The following HYDIN variants were observed in gnomAD, a reference collection of about 807,000 sequenced individuals.
The protein encoded by HYDIN is HYDIN axonemal central pair apparatus protein.
Under a neutral mutation model 403.9 loss-of-function variants are expected in HYDIN, and 132 were observed. The ratio of observed to expected loss-of-function variants is 0.33; its 90% CI spans 0.28 to 0.38. The LOEUF is 0.38. Among genes scored for constraint, HYDIN ranks in the 10% least tolerant of loss-of-function variants. HYDIN has a pLI of 1.00. For synonymous variants in HYDIN, 1,202 were observed against 1,891.7 expected (o/e 0.64, Z 9.46); for missense variants, 2,827 against 5,009.5 (o/e 0.56, Z 13.15).
chr16:70,856,093 A>G (rs1483393689), intron 72 of HYDIN, among the ~76,000 whole-genome samples: 2 of 145,176 alleles, frequency 1.4e-5, no homozygotes, highest in African/African-American at 5.6e-5. Flanking sequence ...TTTTTTGTGC[A>G]TGTCTTATTA....
chr16:71,167,095 C>T (rs995144017), intron 5 of HYDIN, among the ~76,000 whole-genome samples: 27 of 150,142 alleles, frequency 1.8e-4, no homozygotes, highest in Non-Finnish European at 7.4e-5. Flanking sequence ...AAAATAAAAA[C>T]AAAAATAAAA....
intron 5 of HYDIN, among the ~76,000 whole-genome samples, chr16:71,171,929 T>C: frequency 6.6e-6 from 1 of 152,316 alleles, no homozygotes; most frequent in African/African-American, 2.4e-5. Context: ...TGCCAGGTAC[T>C]GGGGCTACAG....
At chr16:70,851,004 C>T (rs1203150388) in intron 73 of HYDIN, among the ~76,000 whole-genome samples, 4 of 151,674 alleles carry the variant, frequency 2.6e-5, no homozygotes, top group Non-Finnish European at 4.4e-5. Flanking sequence ...AAAATAGGAC[C>T]CTTACTTTTC....
intron 10 of HYDIN, among the ~76,000 whole-genome samples, chr16:71,094,357 G>A (rs1157435739): frequency 6.6e-6 from 1 of 152,104 alleles, no homozygotes; most frequent in African/African-American, 2.4e-5. Flanking sequence ...ACAGTCACAT[G>A]GGTATAACAG....
Position 71,152,187 on chromosome 16 carries a change from T to C in HYDIN, c.841+472A>G, listed in dbSNP as rs371480862. Among the ~76,000 whole-genome samples the C allele has an allele frequency of 1.5e-3, 231 of 151,018 alleles. 1 individual carries two copies. Among genetic ancestry groups the C allele is most frequent in the African/African-American group, 5.4e-3 (224 of 41,178 alleles). ...GGCTTTCAAGCACTGGGGACACCAG[T>C]TAGGGGGATTTCTGACTCCACATCA... On this transcript the variant is annotated intron_variant, in intron 7 of 85. Coordinates refer to ENST00000393567, the MANE Select transcript of HYDIN (RefSeq NM_001270974.2).
intron 1 of HYDIN, among the ~76,000 whole-genome samples, chr16:71,200,235 C>T (rs2087925831): frequency 6.6e-6 from 1 of 152,184 alleles, no homozygotes; most frequent in African/African-American, 2.4e-5. Context: ...ACCAGCAGCC[C>T]TCGGGGCTGC....
intron 36 of HYDIN, among the ~76,000 whole-genome samples, chr16:70,967,524 C>T (rs2078614613): frequency 6.6e-6 from 1 of 152,042 alleles, no homozygotes; most frequent in Non-Finnish European, 1.5e-5. Context: ...CTCTGTCGCC[C>T]AGGCTGGAGT....
intron 19 of HYDIN, among the ~76,000 whole-genome samples, chr16:71,030,662 C>A (rs1267240185): frequency 6.6e-6 from 1 of 152,218 alleles, no homozygotes; most frequent in African/African-American, 2.4e-5. Context: ...AATTCCTGAA[C>A]TCAAGTGATC....
Position 70,809,895 on chromosome 16 carries a change from G to A in HYDIN, c.14771C>T (p.Thr4924Met), listed in dbSNP as rs780267369. The A allele has an allele frequency of 1.9e-6, 3 of 1,614,204 alleles. No homozygotes were observed. Among genetic ancestry groups the A allele is most frequent in the Non-Finnish European group, 2.5e-6 (3 of 1,180,018 alleles). ...YYQYELYLKA[T>M]PALPEKPVHF... ...AACAGGCTTTTCCGGAAGTGCTGGC[G>A]TGGCTTTCAGATAGAGCTCATATTG... is the stretch of plus-strand genomic sequence containing the variant. The change falls in exon 85 of 86, where the codon ACG becomes ATG. Residue 4924 changes from threonine (T) to methionine (M), a missense_variant. Transcript: ENST00000393567.
At chr16:71,151,914 TAAG>T (rs2085550205) in intron 7 of HYDIN, among the ~76,000 whole-genome samples, 2 of 152,182 alleles carry the variant, frequency 1.3e-5, no homozygotes, top group Non-Finnish European at 2.9e-5. Context: ...TATATTCCTG[TAAG>T]ATGTTATGTA....
In HYDIN at chr16:71,033,337, G is replaced by A. The variant is rs141208254; in HGVS notation, c.2530-1420C>T. Among the ~76,000 whole-genome samples, 245 of 152,328 alleles carry A rather than the reference G, an allele frequency of 1.6e-3. 7 individuals are homozygous for A. In the East Asian group the frequency reaches 0.043, roughly 27 times the overall value. On this transcript the variant is annotated intron_variant, in intron 18 of 85. Transcript: ENST00000393567. ...AAATTGGGCTTAATTATCAGGTGAT[G>A]TGATTCCTAATTATATTGTACTATA...
At position 70,920,936 on chromosome 16, in the gene HYDIN, G is replaced by T; in HGVS notation, c.7440C>A (p.Val2480=). ...CCTCCATCCCTGCAGGAGGCAGCTG[G>T]ACTCCTTGCTTCCGGTCCCAGTACA... ...ILMYWDRKQG[V]QLPPAGMEEA... is the part of the protein sequence containing the mutation. Residue 2480 remains valine (V), a synonymous_variant, in exon 46 of 86, where the codon GTC becomes GTA. Coordinates refer to ENST00000393567, the MANE Select transcript of HYDIN (RefSeq NM_001270974.2). 1 of 1,613,170 alleles carries T rather than the reference G, an allele frequency of 6.2e-7. No individual in the cohort carries two copies. Among genetic ancestry groups the T allele is most frequent in the Non-Finnish European group, 8.5e-7 (1 of 1,179,584 alleles).
chr16:70,888,130 A>C (rs1359519872), intron 58 of HYDIN, among the ~76,000 whole-genome samples: 1 of 152,228 alleles, frequency 6.6e-6, no homozygotes, highest in African/African-American at 2.4e-5. Context: ...CTATTTTAAA[A>C]ATTTTCCAAG....
At chr16:71,190,263 G>T (rs890913648) in intron 1 of HYDIN, among the ~76,000 whole-genome samples, 1 of 151,628 alleles carries the variant, frequency 6.6e-6, no homozygotes, top group African/African-American at 2.4e-5. Context: ...AAACAAGAAC[G>T]TTATCAAGAG....
At chr16:70,943,313 A>G (rs1157985217) in intron 42 of HYDIN, among the ~76,000 whole-genome samples, 1 of 152,254 alleles carries the variant, frequency 6.6e-6, no homozygotes, top group African/African-American at 2.4e-5. Flanking sequence ...TGTATAAAGA[A>G]GACTAAAATT....
chr16:71,191,848 T>C (rs2087452348), intron 1 of HYDIN, among the ~76,000 whole-genome samples: 1 of 152,168 alleles, frequency 6.6e-6, no homozygotes, highest in South Asian at 2.1e-4. Flanking sequence ...TCTCCTATAT[T>C]CCCTCTGTGA....
intron 68 of HYDIN, 121 bp from the exon 69 acceptor site, chr16:70,862,376 G>A (rs2039470950): frequency 1.7e-6 from 1 of 576,570 alleles, no homozygotes; most frequent in East Asian, 2.9e-5. Context: ...CTCACCTTTT[G>A]TAGCAGCTGT....
Position 70,872,081 on chromosome 16 carries a change from G to A in HYDIN, c.11047C>T (p.Arg3683Trp), listed in dbSNP as rs200260585. Residue 3683 changes from arginine to tryptophan, a missense_variant, in exon 65 of 86, where the codon CGG (arginine) becomes TGG (tryptophan). Physicochemically the swap from Arg to Trp is moderately radical, Grantham distance 101. Transcript: ENST00000393567. ...VTNHSQVNLI[R>W]FEWPVSATIA... ...GTAGCTGAAACAGGCCATTCAAACC[G>A]TATCAAGTTCACTTGGCTGTGATTT... 1.4e-3 allele frequency: 2,170 copies of A among 1,561,522 alleles called. 2 individuals carry two copies. The highest frequency in any genetic ancestry group is 1.7e-3 in the Non-Finnish European group (1,956 of 1,156,256).
intron 23 of HYDIN, among the ~76,000 whole-genome samples, chr16:71,005,031 GT>G (rs2144084146): frequency 6.6e-6 from 1 of 152,248 alleles, no homozygotes; most frequent in African/African-American, 2.4e-5. Flanking sequence ...TTGTTTACTT[GT>G]TTGTTTCTTG....
Sources: allele counts gnomAD v4.1 joint callset (sites outside exome capture counted in the v4.1 genomes callset), GRCh38; gene constraint gnomAD v4.1.1; transcripts MANE v1.5; gene names NCBI Gene and HGNC (gene_info 2026-07-23, HGNC 2026-07-21).